The following SNTG1 variants were observed in gnomAD, a reference collection of about 807,000 sequenced individuals.
SNTG1 encodes the protein gamma-1-syntrophin.
In SNTG1, 39 loss-of-function variants were observed where a neutral mutation model predicts 74.7. The ratio of observed to expected loss-of-function variants is 0.52; its 90% CI spans 0.40 to 0.68. The LOEUF (loss-of-function observed/expected upper bound fraction) is 0.68, where lower values mean the gene tolerates loss of function less well. SNTG1 is among the 30% of genes least tolerant of loss of function. The pLI, the probability that SNTG1 is intolerant of heterozygous loss-of-function variation, is 0.00. For synonymous variants in SNTG1, 254 were observed against 217.1 expected, an observed-to-expected ratio of 1.17 and a Z score of -1.49; for missense variants, 685 against 609.5, an observed-to-expected ratio of 1.12 and a Z score of -1.30.
intron 1 of SNTG1, among the ~76,000 whole-genome samples, chr8:50,041,348 G>A (rs1418002103): frequency 6.6e-6 from 1 of 152,142 alleles, no homozygotes; most frequent in Admixed American, 6.6e-5. Flanking sequence ...CAGTTGATGA[G>A]TTTTTGAAAT....
At position 50,796,109 on chromosome 8, in the gene SNTG1, C is replaced by G. The variant is rs1802799219; in HGVS notation, c.*3280C>G. On this transcript the variant is annotated 3_prime_UTR_variant, in exon 19 of 19. Transcript: ENST00000642720. Reference sequence around the variant, plus strand: ...TACAGTGCTGAAGCTTGATCATGAACTTTGTCTATGTTGAATGCTGGATTT... The same window carrying G: ...TACAGTGCTGAAGCTTGATCATGAAGTTTGTCTATGTTGAATGCTGGATTT... The G allele has an allele frequency of 6.6e-6, 1 of 151,986 alleles. No individual in the cohort carries two copies. The highest frequency in any genetic ancestry group is 2.4e-5 in the African/African-American group (1 of 41,402). The allele number at this position is 151,986 out of a possible 1,614,324, so 9.4% of individuals were successfully genotyped here.
chr8:49,983,940 T>C (rs1166217070), intron 1 of SNTG1, among the ~76,000 whole-genome samples: 2 of 152,068 alleles, frequency 1.3e-5, no homozygotes, highest in Non-Finnish European at 2.9e-5. Flanking sequence ...TTAACTTTCA[T>C]GGATGTGCCA....
At chr8:50,626,742 T>C (rs1460348416) in intron 13 of SNTG1, among the ~76,000 whole-genome samples, 1 of 152,142 alleles carries the variant, frequency 6.6e-6, no homozygotes, top group Non-Finnish European at 1.5e-5. Flanking sequence ...CTTGCCCTCA[T>C]TCTGATAAAC....
At chr8:50,443,945 C>G (rs2093381822) in intron 5 of SNTG1, among the ~76,000 whole-genome samples, 1 of 151,858 alleles carries the variant, frequency 6.6e-6, no homozygotes, top group African/African-American at 2.4e-5. Context: ...ACCAGCTTGA[C>G]CAACATGGTG....
intron 2 of SNTG1, among the ~76,000 whole-genome samples, chr8:50,233,071 T>C (rs897532528): frequency 6.6e-6 from 1 of 151,520 alleles, no homozygotes; most frequent in Non-Finnish European, 1.5e-5. Flanking sequence ...TGTTGTAAAA[T>C]TTATAGAATC....
At chr8:50,606,503 G>T (rs2094813562) in intron 13 of SNTG1, among the ~76,000 whole-genome samples, 1 of 151,850 alleles carries the variant, frequency 6.6e-6, no homozygotes, top group Non-Finnish European at 1.5e-5. Context: ...AGGAACAATA[G>T]ACAATTATGT....
intron 2 of SNTG1, among the ~76,000 whole-genome samples, chr8:50,290,905 A>C (rs1341184240): frequency 6.6e-6 from 1 of 151,880 alleles, no homozygotes; most frequent in African/African-American, 2.4e-5. Flanking sequence ...CTACAAGTGC[A>C]CACTAACACA....
At chr8:50,311,761 T>C (rs971800070) in intron 2 of SNTG1, among the ~76,000 whole-genome samples, 2 of 152,228 alleles carry the variant, frequency 1.3e-5, no homozygotes, top group Non-Finnish European at 2.9e-5. Flanking sequence ...ATCTTGAGAT[T>C]ATTCTCAAAA....
chr8:50,689,547 A>C (rs963390076), intron 15 of SNTG1, among the ~76,000 whole-genome samples: 10 of 152,014 alleles, frequency 6.6e-5, no homozygotes, highest in African/African-American at 2.2e-4. Context: ...TGCTGGATTA[A>C]ATTTATTGAT....
chr8:50,137,182 G>T (rs188226597), intron 1 of SNTG1, among the ~76,000 whole-genome samples: 46 of 152,336 alleles, frequency 3.0e-4, no homozygotes, highest in Non-Finnish European at 4.7e-4. Context: ...CAGTGTGAAA[G>T]ATGGAGTGTA....
intron 1 of SNTG1, among the ~76,000 whole-genome samples, chr8:50,087,460 C>G (rs2131126788): frequency 6.6e-6 from 1 of 152,266 alleles, no homozygotes; most frequent in Non-Finnish European, 1.5e-5. Flanking sequence ...CCTCTTTACA[C>G]AGTGTCAAAA....
At chr8:50,243,456 A>G (rs2086253471) in intron 2 of SNTG1, among the ~76,000 whole-genome samples, 1 of 152,162 alleles carries the variant, frequency 6.6e-6, no homozygotes, top group African/African-American at 2.4e-5. Context: ...TCTCTACTGT[A>G]TCCATCTTAG....
chr8:50,768,666 C>T (rs56902821), intron 18 of SNTG1, among the ~76,000 whole-genome samples: 14,033 of 151,928 alleles, frequency 0.092, 1,903 homozygotes, highest in African/African-American at 0.3. Flanking sequence ...TCTAAAATTC[C>T]AAGATCCCTT....
At chr8:50,213,741 C>T (rs1036052004) in intron 2 of SNTG1, among the ~76,000 whole-genome samples, 4 of 151,886 alleles carry the variant, frequency 2.6e-5, no homozygotes, top group African/African-American at 9.7e-5. Flanking sequence ...TGAGAAGTGT[C>T]TGTTCATGTC....
At chr8:50,724,783 T>A (rs965229856) in intron 17 of SNTG1, among the ~76,000 whole-genome samples, 3 of 152,196 alleles carry the variant, frequency 2.0e-5, no homozygotes, top group African/African-American at 4.8e-5. Context: ...CATATATTCA[T>A]ATTATCAGTG....
chr8:50,238,993 CAG>C (rs1474543312), intron 2 of SNTG1, among the ~76,000 whole-genome samples: 3 of 152,082 alleles, frequency 2.0e-5, no homozygotes, highest in Non-Finnish European at 4.4e-5. Flanking sequence ...CAAAAAATAA[CAG>C]ATGCTGGAGA....
chr8:50,108,968 A>G (rs2080482852), intron 1 of SNTG1, among the ~76,000 whole-genome samples: 1 of 152,186 alleles, frequency 6.6e-6, no homozygotes, highest in African/African-American at 2.4e-5. Flanking sequence ...TAGGTGGAAA[A>G]GGCGGGTAGG....
intron 17 of SNTG1, among the ~76,000 whole-genome samples, chr8:50,745,977 A>AT (rs1402731737): frequency 5.3e-5 from 8 of 151,998 alleles, no homozygotes; most frequent in Non-Finnish European, 8.8e-5. Context: ...TTGTGAATGT[A>AT]TTTAACATTC....
At chr8:50,727,681 C>T (rs2131610203) in intron 17 of SNTG1, among the ~76,000 whole-genome samples, 1 of 152,256 alleles carries the variant, frequency 6.6e-6, no homozygotes, top group South Asian at 2.1e-4. Flanking sequence ...CTCCTCCACT[C>T]CTCATTCTTG....
Sources: gnomAD v4.1 joint callset for allele counts (sites outside exome capture counted in the v4.1 genomes callset) on GRCh38, gnomAD v4.1.1 for gene constraint, MANE v1.5 for transcripts, NCBI Gene and HGNC (gene_info 2026-07-23, HGNC 2026-07-21) for gene names.